The following ASAP2 variants were observed in gnomAD, a reference collection of about 807,000 sequenced individuals.
ASAP2 encodes arf-GAP with SH3 domain, ANK repeat and PH domain-containing protein 2.
ASAP2 carries 45 observed loss-of-function variants against 131.4 expected under a neutral mutation model. That is an observed-to-expected ratio of 0.34 (90% CI 0.27 to 0.44). The LOEUF is 0.44. Ranked by LOEUF, ASAP2 falls within the 20% of genes least tolerant of loss-of-function variation. The probability of loss-of-function intolerance (pLI) is 1.00; values close to 1 mark genes in which losing one functional copy is unlikely to be tolerated. For synonymous variants in ASAP2, 510 were observed against 503.0 expected, an observed-to-expected ratio of 1.01 and a Z score of -0.19; for missense variants, 1,011 against 1,297.0, an observed-to-expected ratio of 0.78 and a Z score of 3.39.
rs1661144202 is a variant in ASAP2, at chr2:9,206,943, C to G, written c.-162C>G. 1.7e-6 allele frequency: 1 copy of G among 599,284 alleles called. No individual in the cohort carries two copies. The highest frequency in any genetic ancestry group is 2.0e-5 in the African/African-American group (1 of 49,272). 37.1% of individuals were successfully genotyped at this position (599,284 alleles called of 1,614,324 possible). ...GCGGGGCTGCGCGCCGCCCCTGCTC[C>G]GCCGCCAGGCCCCGCGCGGCTCCCG... On this transcript the variant is annotated 5_prime_UTR_variant, in exon 1 of 28. Transcript: ENST00000281419. The surrounding 1 kb of genome is among the most constrained non-coding windows in gnomAD (Gnocchi z 4.0).
In ASAP2 at chr2:9,402,317, G is replaced by A. The variant is rs74359136; in HGVS notation, c.2946+921G>A. Among the ~76,000 whole-genome samples the A allele has an allele frequency of 1.4e-4, 22 of 152,306 alleles. No individual in the cohort carries two copies. The East Asian group carries it at 3.1e-3, about 21-fold the overall frequency. On this transcript the variant is annotated intron_variant, in intron 27 of 27. Transcript: ENST00000281419. ...GTTCACCGGTCTTTCCTGTGGCCTC[G>A]TTTGCCCTTAATGGATTGAAAGTGT...
chr2:9,388,059 G>A (rs1675422747), intron 21 of ASAP2, among the ~76,000 whole-genome samples: 1 of 152,184 alleles, frequency 6.6e-6, no homozygotes, highest in African/African-American at 2.4e-5. Context: ...TTTGGGTGGG[G>A]ACACAAAGCC....
chr2:9,341,270 G>A (rs1409181407), intron 9 of ASAP2, among the ~76,000 whole-genome samples: 1 of 152,132 alleles, frequency 6.6e-6, no homozygotes, highest in East Asian at 1.9e-4. Flanking sequence ...TATTGTTACG[G>A]GGTCGCCTGG....
At chr2:9,363,574 AT>A (rs1673248282) in intron 15 of ASAP2, among the ~76,000 whole-genome samples, 1 of 152,018 alleles carries the variant, frequency 6.6e-6, no homozygotes. Flanking sequence ...CCTGTTGGTC[AT>A]TTGTAGGTCT....
rs1182612070 is a variant in ASAP2 at position 9,405,466 on chromosome 2, T to C, written c.*2139T>C. On this transcript the variant is annotated 3_prime_UTR_variant, in exon 28 of 28. Transcript: ENST00000281419. ...ATCTGTTAAGGGGTGGATAACATAA[T>C]ATGCAGCTTAGGATGCTATTTTGAG... is the stretch of plus-strand genomic sequence containing the variant. 6.6e-6 allele frequency: 1 copy of C among 152,646 alleles called. No homozygotes were observed. Among genetic ancestry groups the C allele is most frequent in the Non-Finnish European group, 1.5e-5 (1 of 68,040 alleles). 9.5% of individuals were successfully genotyped at this position (152,646 alleles called of 1,614,324 possible).
chr2:9,340,201 T>G (rs1300189250), intron 9 of ASAP2, among the ~76,000 whole-genome samples: 1 of 152,174 alleles, frequency 6.6e-6, no homozygotes, highest in Admixed American at 6.5e-5. Context: ...TTTTGTAGTT[T>G]TAGTAGAGAC....
chr2:9,223,398 A>G (rs1572192162), intron 1 of ASAP2, among the ~76,000 whole-genome samples: 1 of 152,190 alleles, frequency 6.6e-6, no homozygotes, highest in African/African-American at 2.4e-5. Context: ...AAGCATCTGT[A>G]TACTAAGCCA....
intron 1 of ASAP2, among the ~76,000 whole-genome samples, chr2:9,257,518 GTTGTT>G (rs1203793945): frequency 6.6e-6 from 1 of 152,162 alleles, no homozygotes; most frequent in East Asian, 1.9e-4. Flanking sequence ...TGAAAGTGTG[GTTGTT>G]TTGTTTTGTT....
intron 1 of ASAP2, among the ~76,000 whole-genome samples, chr2:9,226,176 T>C (rs917478632): frequency 6.6e-6 from 1 of 152,218 alleles, no homozygotes; most frequent in African/African-American, 2.4e-5. Flanking sequence ...TAGACGATAA[T>C]GCTGTACACC....
intron 1 of ASAP2, among the ~76,000 whole-genome samples, chr2:9,218,422 C>A (rs1023163967): frequency 2.8e-4 from 42 of 152,338 alleles, no homozygotes; most frequent in African/African-American, 9.9e-4. Flanking sequence ...GACTAGGAGC[C>A]ACCCAGACCC....
At chr2:9,221,226 C>T (rs2147980015) in intron 1 of ASAP2, among the ~76,000 whole-genome samples, 1 of 152,104 alleles carries the variant, frequency 6.6e-6, no homozygotes, top group East Asian at 1.9e-4. Flanking sequence ...GTTATGTTGA[C>T]ACTGTAGTTC....
Position 9,297,453 on chromosome 2 carries a change from G to A in ASAP2, c.345+8G>A, listed in dbSNP as rs773221107. The A allele has an allele frequency of 3.8e-5, 61 of 1,613,914 alleles. No homozygotes were observed. Among genetic ancestry groups the A allele is most frequent in the Non-Finnish European group, 5.0e-5 (59 of 1,179,892 alleles). On this transcript the variant is annotated splice_region_variant and intron_variant, in intron 3 of 27. Coordinates refer to ENST00000281419, the MANE Select transcript of ASAP2 (RefSeq NM_003887.3). ...GCACTTTTCAAAAACCTGGTAAGCA[G>A]CTCTGTGTATGAAATGCTGCGGTTA... is the stretch of plus-strand genomic sequence containing the variant.
rs71389235 is a variant in ASAP2, at chr2:9,256,162, CAAAAA to C, written c.127-23140_127-23136del. ...AGAAAAACTATTCTAGGGTCCCCTG[CAAAAA>C]AAAAAAAAAAAAAAGAAAGCAAGTA... On this transcript the variant is annotated intron_variant, in intron 1 of 27. Transcript: ENST00000281419. Among the ~76,000 whole-genome samples, 4 of 86,832 alleles carry C rather than the reference CAAAAA, an allele frequency of 4.6e-5. 1 individual carries two copies. The highest frequency in any genetic ancestry group is 7.4e-5 in the African/African-American group (2 of 27,208). 57.0% of individuals were successfully genotyped at this position (86,832 alleles called of 152,430 possible).
At chr2:9,357,406 G>A (rs1672790604) in intron 14 of ASAP2, among the ~76,000 whole-genome samples, 1 of 152,146 alleles carries the variant, frequency 6.6e-6, no homozygotes, top group South Asian at 2.1e-4. Context: ...TCGAATCCAG[G>A]TGGCAGAGGT....
At chr2:9,208,858 G>A (rs1028261762) in intron 1 of ASAP2, among the ~76,000 whole-genome samples, 9 of 152,334 alleles carry the variant, frequency 5.9e-5, no homozygotes, top group Admixed American at 3.9e-4. Context: ...AGGAAGCATT[G>A]TGCATGATGT....
At chr2:9,348,859 T>A (rs955977235) in intron 11 of ASAP2, among the ~76,000 whole-genome samples, 1 of 152,198 alleles carries the variant, frequency 6.6e-6, no homozygotes, top group Non-Finnish European at 1.5e-5. Flanking sequence ...AAGTTGTGGT[T>A]CTTTGCTGCT....
chr2:9,234,993 T>C (rs973162968), intron 1 of ASAP2, among the ~76,000 whole-genome samples: 2 of 152,078 alleles, frequency 1.3e-5, no homozygotes, highest in Admixed American at 6.5e-5. Flanking sequence ...TGACTCCTAA[T>C]GATGACTGGT....
At chr2:9,277,086 A>G (rs896643946) in intron 1 of ASAP2, among the ~76,000 whole-genome samples, 2 of 152,232 alleles carry the variant, frequency 1.3e-5, no homozygotes, top group Non-Finnish European at 2.9e-5. Flanking sequence ...CGAGAGTGCT[A>G]GGCTGCACGG....
intron 3 of ASAP2, among the ~76,000 whole-genome samples, chr2:9,299,071 C>T (rs991993922): frequency 1.3e-5 from 2 of 152,078 alleles, no homozygotes; most frequent in Non-Finnish European, 2.9e-5. Flanking sequence ...AGGATTAATT[C>T]TCAAGGCCCA....
Sources: allele counts gnomAD v4.1 joint callset (sites outside exome capture counted in the v4.1 genomes callset), GRCh38; gene constraint gnomAD v4.1.1; non-coding constraint Gnocchi (gnomAD v3.1); transcripts MANE v1.5; gene names NCBI Gene and HGNC (gene_info 2026-07-23, HGNC 2026-07-21).